The following LGR6 variants were observed in gnomAD, a reference collection of about 807,000 sequenced individuals.
The protein encoded by LGR6 is leucine-rich repeat-containing G protein-coupled receptor 6.
LGR6 carries 45 observed loss-of-function variants against 69.4 expected under a neutral mutation model. That is an observed-to-expected ratio of 0.65 (90% CI 0.51 to 0.83). The LOEUF is 0.83. Ranked by LOEUF, LGR6 falls within the 40% of genes least tolerant of loss-of-function variation. LGR6 has a pLI of 0.00. For synonymous variants in LGR6, 538 were observed against 555.0 expected (o/e 0.97, Z 0.43); for missense variants, 1,108 against 1,246.7 (o/e 0.89, Z 1.68).
chr1:202,268,738 G>T lies in LGR6; in HGVS notation c.429-7568G>T, dbSNP rs747030908. Among the ~76,000 whole-genome samples the T allele has an allele frequency of 6.6e-5, 10 of 152,164 alleles. No individual in the cohort carries two copies. Among genetic ancestry groups the T allele is most frequent in the African/African-American group, 1.9e-4 (8 of 41,440 alleles). On this transcript the variant is annotated intron_variant, in intron 4 of 17. Coordinates refer to ENST00000367278, the MANE Select transcript of LGR6 (RefSeq NM_001017403.2). The surrounding 1 kb of genome is among the most constrained non-coding windows in gnomAD (Gnocchi z 4.4). ...CCCAGCCTCTTTCTTCCTCTCAAAC[G>T]CAGAGTTAGGAAATGAGAACAGGAG... is the stretch of plus-strand genomic sequence containing the variant.
chr1:202,231,008 CTG>C (rs970783064), intron 3 of LGR6, among the ~76,000 whole-genome samples: 1 of 152,202 alleles, frequency 6.6e-6, no homozygotes, highest in Non-Finnish European at 1.5e-5. Flanking sequence ...AAGTCTGTGA[CTG>C]TGGATTCTTA....
chr1:202,208,754 C>T (rs1211877188), intron 1 of LGR6, among the ~76,000 whole-genome samples: 1 of 152,128 alleles, frequency 6.6e-6, no homozygotes, highest in East Asian at 1.9e-4. Flanking sequence ...AAAGCATTAG[C>T]TTCACTGTCT....
chr1:202,205,155 CACACCTA>C (rs1349117897), intron 1 of LGR6, among the ~76,000 whole-genome samples: 2 of 103,654 alleles, frequency 1.9e-5, no homozygotes, highest in South Asian at 4.0e-4. Context: ...CACCTCCACA[CACACCTA>C]ACACACACTT....
In LGR6 at chr1:202,274,419, C is replaced by T. The variant is rs1332755390; in HGVS notation, c.429-1887C>T. Among the ~76,000 whole-genome samples the T allele has an allele frequency of 2.0e-5, 3 of 152,172 alleles. No individual in the cohort carries two copies. The East Asian group carries it at 5.8e-4, about 29-fold the overall frequency. On this transcript the variant is annotated intron_variant, in intron 4 of 17. Transcript: ENST00000367278. ...AGTAATTTATGATCAAATCTAAGAA[C>T]GAGGGCTCCCAGGACCAGCTGAGCA...
intron 1 of LGR6, among the ~76,000 whole-genome samples, chr1:202,195,809 C>T (rs1458754384): frequency 6.6e-6 from 1 of 152,148 alleles, no homozygotes; most frequent in Non-Finnish European, 1.5e-5. Flanking sequence ...GGAGATAAGG[C>T]CTTCCAGAGC....
At chr1:202,306,803 G>A (rs770110168) in intron 12 of LGR6, 65 bp from the exon 13 acceptor site, 21 of 1,435,798 alleles carry the variant, frequency 1.5e-5, no homozygotes, top group East Asian at 4.6e-5. Flanking sequence ...CCCAGTGCTC[G>A]GGGGGCATGG....
Position 202,304,645 on chromosome 1 carries a change from G to A in LGR6, c.1070+15G>A, listed in dbSNP as rs750768897. 6.2e-7 allele frequency: 1 copy of A among 1,600,540 alleles called. No individual in the cohort carries two copies. Among genetic ancestry groups the A allele is most frequent in the South Asian group, 1.1e-5 (1 of 90,198 alleles). Reference sequence around the variant, plus strand: ...CTCCGAGTCCTGTGAGTGCTCACAAGAATTCTACAGTCTTGGCATTGTGCC... The same window carrying A: ...CTCCGAGTCCTGTGAGTGCTCACAAAAATTCTACAGTCTTGGCATTGTGCC... On this transcript the variant is annotated intron_variant, in intron 11 of 17. Coordinates refer to ENST00000367278, the MANE Select transcript of LGR6 (RefSeq NM_001017403.2).
chr1:202,283,953 C>G (rs1666209332), intron 6 of LGR6, among the ~76,000 whole-genome samples: 1 of 152,250 alleles, frequency 6.6e-6, no homozygotes, highest in Non-Finnish European at 1.5e-5. Context: ...GTGAGCCTCA[C>G]TTCCTTCATC....
At chr1:202,234,424 C>G (rs1398693204) in intron 3 of LGR6, among the ~76,000 whole-genome samples, 2 of 152,166 alleles carry the variant, frequency 1.3e-5, no homozygotes, top group African/African-American at 4.8e-5. Flanking sequence ...TTCACATACC[C>G]GTAAGAGGAG....
At chr1:202,283,993 G>C (rs1431499979) in intron 6 of LGR6, among the ~76,000 whole-genome samples, 1 of 152,200 alleles carries the variant, frequency 6.6e-6, no homozygotes, top group Non-Finnish European at 1.5e-5. Flanking sequence ...GAGATGGGGA[G>C]AAAGTGTGAG....
At chr1:202,297,719 G>A (rs1376336693) in intron 7 of LGR6, 143 bp downstream of exon 7, 6 of 498,034 alleles carry the variant, frequency 1.2e-5, no homozygotes, top group Non-Finnish European at 1.6e-5. Context: ...CTCCCGCCCC[G>A]GCTCCCCAAG....
intron 1 of LGR6, among the ~76,000 whole-genome samples, chr1:202,218,465 G>C (rs1367952083): frequency 1.3e-5 from 2 of 152,108 alleles, no homozygotes. Flanking sequence ...GGTCTGGCTA[G>C]TTTTTAATTT....
At position 202,299,994 on chromosome 1, in the gene LGR6, A is replaced by G. The variant is rs193097834; in HGVS notation, c.786-855A>G. Among the ~76,000 whole-genome samples, 437 of 152,238 alleles carry G rather than the reference A, an allele frequency of 2.9e-3. 3 individuals carry two copies. The highest frequency in any genetic ancestry group is 9.6e-3 in the African/African-American group (398 of 41,546). On this transcript the variant is annotated intron_variant, in intron 7 of 17. Transcript: ENST00000367278. ...TCCTCATTTTCCCATAGTGCCATCC[A>G]CAGTCATTCAGCGGCCCATTCCGCA...
chr1:202,303,477 G>A, intron 10 of LGR6, 130 bp downstream of exon 10: 1 of 710,202 alleles, frequency 1.4e-6, no homozygotes, highest in Non-Finnish European at 2.5e-6. Context: ...TCTACTACTG[G>A]CTCCATCCCC....
chr1:202,245,420 ATTCT>A (rs544686029), intron 4 of LGR6, among the ~76,000 whole-genome samples: 79 of 152,144 alleles, frequency 5.2e-4, no homozygotes, highest in African/African-American at 1.8e-3. Flanking sequence ...ATCAGGGGTG[ATTCT>A]TTCAGCCGTA....
At chr1:202,194,346 C>A in intron 1 of LGR6, 145 bp downstream of exon 1, 2 of 599,152 alleles carry the variant, frequency 3.3e-6, no homozygotes, top group Non-Finnish European at 5.8e-6. Context: ...TTGACCGTTG[C>A]GGGACTGGGG....
chr1:202,237,619 TTTTCCCTACACTTTCTGGGAAG>T (rs1303165303), intron 4 of LGR6, among the ~76,000 whole-genome samples: 4 of 151,826 alleles, frequency 2.6e-5, no homozygotes, highest in Non-Finnish European at 2.9e-5. Flanking sequence ...ATGCAGACAA[TTTTCCCTACACTTTCTGGGAAG>T]TGGGCAGCCC....
intron 1 of LGR6, among the ~76,000 whole-genome samples, chr1:202,205,055 C>T: frequency 1.0e-5 from 1 of 100,290 alleles, no homozygotes; most frequent in Admixed American, 1.1e-4. Context: ...CACCTCCAAA[C>T]ACACACACAC....
At chr1:202,289,571 G>T (rs187935562) in intron 6 of LGR6, among the ~76,000 whole-genome samples, 83 of 152,336 alleles carry the variant, frequency 5.4e-4, no homozygotes, top group Middle Eastern at 3.4e-3. Flanking sequence ...GGTTGTATCT[G>T]TGTCTCTCAA....
Sources: gnomAD v4.1 joint callset for allele counts (sites outside exome capture counted in the v4.1 genomes callset) on GRCh38, gnomAD v4.1.1 for gene constraint, Gnocchi (gnomAD v3.1) non-coding constraint, MANE v1.5 for transcripts, NCBI Gene and HGNC (gene_info 2026-07-23, HGNC 2026-07-21) for gene names.